Variants in ANAPC10 observed in about 807,000 individuals in gnomAD.
ANAPC10 encodes the protein anaphase-promoting complex subunit 10.
Under a neutral mutation model 22.0 loss-of-function variants are expected in ANAPC10, and 12 were observed. The ratio of observed to expected loss-of-function variants is 0.55; its 90% CI spans 0.35 to 0.88. ANAPC10 has a LOEUF of 0.88. ANAPC10 is among the 40% of genes least tolerant of loss of function. ANAPC10 has a pLI of 0.01. For synonymous variants in ANAPC10, 65 were observed against 69.5 expected (o/e 0.94, Z 0.32); for missense variants, 188 against 220.9 (o/e 0.85, Z 0.94).
chr4:145,047,497 C>T (rs1438021664), intron 4 of ANAPC10, among the ~76,000 whole-genome samples: 2 of 152,130 alleles, frequency 1.3e-5, no homozygotes, highest in Non-Finnish European at 1.5e-5. Flanking sequence ...TAATCCTGAA[C>T]CTGGTCAACA....
chr4:145,050,603 G>C (rs1464539744), intron 4 of ANAPC10, among the ~76,000 whole-genome samples: 2 of 152,182 alleles, frequency 1.3e-5, no homozygotes, highest in Non-Finnish European at 2.9e-5. Context: ...GTTGCTTGGT[G>C]TATCTACCCT....
chr4:145,039,966 T>C (rs1429712247), intron 4 of ANAPC10, among the ~76,000 whole-genome samples: 2 of 152,180 alleles, frequency 1.3e-5, no homozygotes, highest in African/African-American at 4.8e-5. Context: ...CATGGTTAAA[T>C]GGCAGAGCAA....
chr4:145,038,815 C>G (rs1303126796), intron 4 of ANAPC10, among the ~76,000 whole-genome samples: 1 of 105,304 alleles, frequency 9.5e-6, no homozygotes, highest in Non-Finnish European at 1.8e-5. Flanking sequence ...GAGTGAGACT[C>G]TGTCTCAAAA....
intron 4 of ANAPC10, among the ~76,000 whole-genome samples, chr4:145,013,154 C>T (rs931205973): frequency 3.3e-5 from 5 of 152,084 alleles, no homozygotes; most frequent in African/African-American, 1.2e-4. Context: ...AATTATCCAG[C>T]CTCAAGAATT....
chr4:145,032,579 C>T (rs1437894603), intron 4 of ANAPC10, among the ~76,000 whole-genome samples: 1 of 152,218 alleles, frequency 6.6e-6, no homozygotes, highest in African/African-American at 2.4e-5. Flanking sequence ...CACACAACCT[C>T]TTTCCCCAGC....
chr4:145,009,088 G>A (rs1039456032), intron 4 of ANAPC10, among the ~76,000 whole-genome samples: 3 of 152,044 alleles, frequency 2.0e-5, no homozygotes, highest in African/African-American at 7.3e-5. Context: ...ATTCACAACT[G>A]CTACAAAGAA....
At chr4:145,091,086 T>C (rs975006326) in intron 2 of ANAPC10, among the ~76,000 whole-genome samples, 15 of 152,206 alleles carry the variant, frequency 9.9e-5, no homozygotes, top group African/African-American at 3.1e-4. Flanking sequence ...CAAAATCACA[T>C]GAAGTAAGAC....
chr4:145,031,834 G>A (rs1037475960), intron 4 of ANAPC10, among the ~76,000 whole-genome samples: 1 of 152,156 alleles, frequency 6.6e-6, no homozygotes, highest in East Asian at 1.9e-4. Context: ...ACTGGGCTTT[G>A]GTGGAAACTG....
intron 4 of ANAPC10, among the ~76,000 whole-genome samples, chr4:145,036,750 TAGTA>T (rs1385666152): frequency 6.6e-6 from 1 of 152,068 alleles, no homozygotes; most frequent in Non-Finnish European, 1.5e-5. Context: ...AACTATGACT[TAGTA>T]AGTTAGCAAA....
Position 144,995,017 on chromosome 4 carries a change from A to C in ANAPC10, c.*356T>G, listed in dbSNP as rs1310845650. 6.1e-6 allele frequency: 1 copy of C among 163,466 alleles called. No individual in the cohort carries two copies. Among genetic ancestry groups the C allele is most frequent in the Non-Finnish European group, 1.3e-5 (1 of 75,204 alleles). The allele number at this position is 163,466 out of a possible 1,614,324, so 10.1% of individuals were successfully genotyped here. A position where few individuals can be genotyped will look rare whatever the true frequency, so the allele number is the denominator to read the frequency against. On this transcript the variant is annotated 3_prime_UTR_variant, in exon 5 of 5. Coordinates refer to ENST00000507656, the MANE Select transcript of ANAPC10 (RefSeq NM_001256706.2). ...AAATATGCAATAAACCATTACTCTA[A>C]TGTATGAACACTAATGAAATAATCA...
intron 4 of ANAPC10, among the ~76,000 whole-genome samples, chr4:145,014,135 G>A (rs1734753975): frequency 6.6e-6 from 1 of 152,112 alleles, no homozygotes; most frequent in Non-Finnish European, 1.5e-5. Context: ...GCCTCCACAG[G>A]TGGAGGAAGA....
chr4:145,075,942 C>G (rs1745135470), intron 3 of ANAPC10, among the ~76,000 whole-genome samples: 1 of 152,130 alleles, frequency 6.6e-6, no homozygotes, highest in South Asian at 2.1e-4. Context: ...ATAGGGCTGT[C>G]TTACCCATGG....
At chr4:145,032,332 T>C (rs1472317055) in intron 4 of ANAPC10, among the ~76,000 whole-genome samples, 1 of 152,202 alleles carries the variant, frequency 6.6e-6, no homozygotes, top group East Asian at 1.9e-4. Context: ...GATGTACAAT[T>C]ATACACTGAT....
intron 3 of ANAPC10, among the ~76,000 whole-genome samples, chr4:145,069,015 T>C (rs1324896222): frequency 2.0e-5 from 3 of 152,224 alleles, no homozygotes; most frequent in Non-Finnish European, 4.4e-5. Context: ...AAAGGATATA[T>C]GAGACCTTAA....
intron 3 of ANAPC10, among the ~76,000 whole-genome samples, chr4:145,074,969 C>T (rs1028078292): frequency 6.6e-6 from 1 of 152,044 alleles, no homozygotes; most frequent in Non-Finnish European, 1.5e-5. Flanking sequence ...CCAAAGTTTT[C>T]GGCAGACCAT....
intron 4 of ANAPC10, among the ~76,000 whole-genome samples, chr4:145,007,086 C>T (rs1221214388): frequency 1.3e-5 from 2 of 151,364 alleles, no homozygotes; most frequent in Non-Finnish European, 3.0e-5. Flanking sequence ...CAGGTCACAG[C>T]TAACTATCCT....
chr4:144,995,433 G>A lies in ANAPC10; in HGVS notation c.498C>T (p.Ser166=). The A allele has an allele frequency of 1.9e-6, 3 of 1,613,576 alleles. No homozygotes were observed. Among genetic ancestry groups the A allele is most frequent in the Non-Finnish European group, 2.5e-6 (3 of 1,179,682 alleles). ...TTGTACATCTAGGAAATTTACCAAT[G>A]GAGCTCTCTTCTACTGGTGTGTATA... ...IKIYTPVEES[S]IGKFPRCTTI... Residue 166 remains serine (S), a synonymous_variant, in exon 5 of 5, where the codon TCC becomes TCT. Transcript: ENST00000507656.
intron 2 of ANAPC10, among the ~76,000 whole-genome samples, chr4:145,085,352 T>C (rs1432357131): frequency 6.6e-6 from 1 of 152,192 alleles, no homozygotes; most frequent in Admixed American, 6.5e-5. Flanking sequence ...AGTTTTTGAG[T>C]TCCCTAGTAA....
chr4:145,077,950 T>G (rs1380645090), intron 3 of ANAPC10, among the ~76,000 whole-genome samples: 1 of 152,100 alleles, frequency 6.6e-6, no homozygotes, highest in South Asian at 2.1e-4. Context: ...GCATTCCACT[T>G]AAGAACCAGA....
Sources: allele counts gnomAD v4.1 joint callset (sites outside exome capture counted in the v4.1 genomes callset), GRCh38; gene constraint gnomAD v4.1.1; transcripts MANE v1.5; gene names NCBI Gene and HGNC (gene_info 2026-07-23, HGNC 2026-07-21).